Variants in PSME4 observed in about 807,000 individuals in gnomAD.
PSME4 encodes the protein proteasome activator subunit 4.
In PSME4, 89 loss-of-function variants were observed where a neutral mutation model predicts 253.9. The ratio of observed to expected loss-of-function variants is 0.35; its 90% confidence interval spans 0.30 to 0.42. The LOEUF is 0.42. Ranked by LOEUF, PSME4 falls within the 10% of genes least tolerant of loss-of-function variation. PSME4 has a pLI of 1.00. For missense variants in PSME4, 2,014 were observed against 2,195.2 expected, an observed-to-expected ratio of 0.92 and a Z score of 1.65; for synonymous variants, 851 against 759.2, an observed-to-expected ratio of 1.12 and a Z score of -1.99.
At chr2:53,911,571 A>C (rs1667828477) in intron 20 of PSME4, among the ~76,000 whole-genome samples, 1 of 152,192 alleles carries the variant, frequency 6.6e-6, no homozygotes, top group African/African-American at 2.4e-5. Flanking sequence ...AGAATAAAGC[A>C]CAAGAGAGTT....
intron 1 of PSME4, among the ~76,000 whole-genome samples, chr2:53,959,626 C>G (rs546616217): frequency 1.3e-5 from 2 of 152,262 alleles, no homozygotes; most frequent in Admixed American, 6.5e-5. Context: ...GCAGAGAAAA[C>G]TAAGGGATCA....
At chr2:53,903,237 C>T (rs1337103096) in intron 27 of PSME4, among the ~76,000 whole-genome samples, 1 of 151,948 alleles carries the variant, frequency 6.6e-6, no homozygotes, top group African/African-American at 2.4e-5. Flanking sequence ...TCATTGGAAC[C>T]ACTTCAAATT....
rs1482819045 is a variant in PSME4 at position 53,919,215 on chromosome 2, G to A, written c.2452C>T (p.His818Tyr). ...DDILQSLTIV[H>Y]NCLIGSGNLL... ...TTTCCAGAGCCAATTAAACAGTTGT[G>A]CACTATAGTCAGACTCTGTAGAATA... Residue 818 changes from histidine (H) to tyrosine (Y), a missense_variant, in exon 20 of 47, where the codon CAC (histidine) becomes TAC (tyrosine). This residue lies in a region of PSME4 where 989 missense variants were observed against 1,021.1 expected (regional missense o/e 0.97). Transcript: ENST00000404125. 1.2e-6 allele frequency: 2 copies of A among 1,609,406 alleles called. No homozygotes were observed. The highest frequency in any genetic ancestry group is 1.7e-6 in the Non-Finnish European group (2 of 1,178,452).
intron 26 of PSME4, among the ~76,000 whole-genome samples, chr2:53,905,243 G>A (rs961512472): frequency 2.0e-5 from 3 of 151,674 alleles, no homozygotes; most frequent in Non-Finnish European, 4.4e-5. Context: ...TTGCCAGGCT[G>A]GTCTTGAACT....
chr2:53,889,189 G>A (rs1443669930), intron 37 of PSME4, among the ~76,000 whole-genome samples: 2 of 152,092 alleles, frequency 1.3e-5, no homozygotes, highest in Non-Finnish European at 2.9e-5. Context: ...TAGAAATACT[G>A]AAAACATATA....
At chr2:53,869,681 A>G (rs879422128) in intron 43 of PSME4, 143 bp from the exon 44 acceptor site, 2 of 547,940 alleles carry the variant, frequency 3.7e-6, no homozygotes, top group Non-Finnish European at 5.9e-6. Context: ...CAGTTTCTTA[A>G]TAGAGATTTC....
chr2:53,954,407 A>T (rs1261190087), intron 1 of PSME4, among the ~76,000 whole-genome samples: 3 of 152,350 alleles, frequency 2.0e-5, no homozygotes, highest in Admixed American at 6.5e-5. Context: ...TGGAAGGCAG[A>T]AGCAGGAGAA....
At chr2:53,948,624 C>T (rs2104475910) in intron 2 of PSME4, 87 bp from the exon 3 acceptor site, 5 of 831,626 alleles carry the variant, frequency 6.0e-6, no homozygotes, top group Middle Eastern at 3.6e-4. Flanking sequence ...GACAGTTAAA[C>T]ATTGCTGCTC....
At chr2:53,932,187 AT>A in intron 9 of PSME4, 87 bp from the exon 10 acceptor site, 1 of 1,255,658 alleles carries the variant, frequency 8.0e-7, no homozygotes, top group Non-Finnish European at 1.1e-6. Flanking sequence ...TTGAGAAAAG[AT>A]TTTAAAAATA....
In PSME4 at chr2:53,931,950, T is replaced by C; in HGVS notation, c.1201A>G (p.Ile401Val). 6.2e-7 allele frequency: 1 copy of C among 1,614,162 alleles called. No individual in the cohort carries two copies. The highest frequency in any genetic ancestry group is 8.5e-7 in the Non-Finnish European group (1 of 1,180,012). ...QDVTDFVQCI[I>V]QPVLLAMFSK... ...AACATAGCCAAGAGGACAGGCTGAA[T>C]AATGCATTGTACAAAGTCTGTAACA... The change falls in exon 10 of 47, where the codon ATT becomes GTT. Residue 401 changes from isoleucine to valine, a missense_variant. Coordinates refer to ENST00000404125, the MANE Select transcript of PSME4 (RefSeq NM_014614.3).
intron 1 of PSME4, among the ~76,000 whole-genome samples, chr2:53,968,684 G>A (rs1670866849): frequency 6.6e-6 from 1 of 152,198 alleles, no homozygotes; most frequent in African/African-American, 2.4e-5. Flanking sequence ...ATTTCTTGCT[G>A]GTTATTTAGC....
intron 10 of PSME4, among the ~76,000 whole-genome samples, chr2:53,930,030 T>TAATAAATA (rs530642038): frequency 6.6e-6 from 1 of 150,966 alleles, no homozygotes; most frequent in Non-Finnish European, 1.5e-5. Flanking sequence ...AATAAATAAA[T>TAATAAATA]AATAAATAAA....
intron 20 of PSME4, among the ~76,000 whole-genome samples, chr2:53,917,052 TATTATTAAG>T (rs1668092490): frequency 7.4e-6 from 1 of 135,486 alleles, no homozygotes; most frequent in African/African-American, 2.6e-5. Flanking sequence ...TATTTCATTA[TATTATTAAG>T]TATCAGGAAG....
At chr2:53,947,542 A>G (rs1669774864) in intron 3 of PSME4, among the ~76,000 whole-genome samples, 2 of 151,946 alleles carry the variant, frequency 1.3e-5, no homozygotes, top group Admixed American at 6.6e-5. Flanking sequence ...CGTCTCTACT[A>G]AAAACACAAA....
intron 26 of PSME4, among the ~76,000 whole-genome samples, chr2:53,905,033 T>C (rs1403894789): frequency 6.7e-6 from 1 of 148,636 alleles, no homozygotes; most frequent in Non-Finnish European, 1.5e-5. Flanking sequence ...GTGTTGCTTT[T>C]ACTATAACCA....
chr2:53,874,655 A>G (rs1679040334), intron 42 of PSME4, among the ~76,000 whole-genome samples, 161 bp from the exon 43 acceptor site: 1 of 152,220 alleles, frequency 6.6e-6, no homozygotes, highest in Admixed American at 6.5e-5. Context: ...AAAAGGTTGA[A>G]TGAGGCTGGG....
chr2:53,944,573 T>C (rs1026210817), intron 3 of PSME4, among the ~76,000 whole-genome samples: 3 of 152,184 alleles, frequency 2.0e-5, no homozygotes, highest in African/African-American at 7.2e-5. Flanking sequence ...ATAATCGTGG[T>C]TTACAACCAT....
chr2:53,915,582 GA>G (rs796971002), intron 20 of PSME4, among the ~76,000 whole-genome samples: 19 of 146,250 alleles, frequency 1.3e-4, no homozygotes, highest in East Asian at 2.0e-4. Flanking sequence ...TAAAGTAGAA[GA>G]AAAAAAAAAG....
intron 1 of PSME4, among the ~76,000 whole-genome samples, chr2:53,963,272 G>C (rs897213255): frequency 6.6e-6 from 1 of 151,958 alleles, no homozygotes. Context: ...GTTAAAACAG[G>C]GGGGTATGAT....
Sources: gnomAD v4.1 joint callset for allele counts (sites outside exome capture counted in the v4.1 genomes callset) on GRCh38, gnomAD v4.1.1 for gene constraint, gnomAD v4.1.1 regional missense constraint, MANE v1.5 for transcripts, NCBI Gene and HGNC (gene_info 2026-07-23, HGNC 2026-07-21) for gene names.